Variants in ADGRB3 observed in about 807,000 individuals in gnomAD.
The protein encoded by ADGRB3 is brain-specific angiogenesis inhibitor 3.
ADGRB3 carries 37 observed loss-of-function variants against 193.4 expected under a neutral mutation model. The ratio of observed to expected loss-of-function variants is 0.19; its 90% CI spans 0.15 to 0.25. The LOEUF (loss-of-function observed/expected upper bound fraction) is 0.25. Ranked by LOEUF, ADGRB3 falls within the 10% of genes least tolerant of loss-of-function variation. The probability of loss-of-function intolerance (pLI) is 1.00; values close to 1 mark genes in which losing one functional copy is unlikely to be tolerated. For synonymous variants in ADGRB3, 690 were observed against 644.2 expected, an observed-to-expected ratio of 1.07 and a Z score of -1.08; for missense variants, 1,637 against 1,852.9, an observed-to-expected ratio of 0.88 and a Z score of 2.14.
chr6:68,959,048 A>G (rs572493068), intron 8 of ADGRB3, among the ~76,000 whole-genome samples: 1 of 152,108 alleles, frequency 6.6e-6, no homozygotes, highest in Non-Finnish European at 1.5e-5. Flanking sequence ...TTTTTAATTT[A>G]CAAAAGGGGT....
At chr6:68,952,382 A>G (rs571160120) in intron 6 of ADGRB3, among the ~76,000 whole-genome samples, 2 of 151,752 alleles carry the variant, frequency 1.3e-5, no homozygotes, top group Admixed American at 1.3e-4. Context: ...ATGTGTGTTT[A>G]TATATATATA....
intron 17 of ADGRB3, among the ~76,000 whole-genome samples, chr6:69,190,596 G>A (rs957067314): frequency 6.6e-6 from 1 of 151,976 alleles, no homozygotes; most frequent in African/African-American, 2.4e-5. Flanking sequence ...ATTGAAGAAA[G>A]AAAATTATTT....
intron 30 of ADGRB3, among the ~76,000 whole-genome samples, chr6:69,382,007 G>A (rs993710589): frequency 1.3e-5 from 2 of 151,814 alleles, no homozygotes; most frequent in African/African-American, 4.8e-5. Flanking sequence ...CTTCGTTAGT[G>A]CTCTTAAATG....
At chr6:68,949,196 G>C (rs1767850617) in intron 6 of ADGRB3, among the ~76,000 whole-genome samples, 1 of 152,092 alleles carries the variant, frequency 6.6e-6, no homozygotes, top group Non-Finnish European at 1.5e-5. Context: ...TACTGTCTTA[G>C]TCATAGACTC....
At chr6:69,117,608 C>G (rs1773570798) in intron 17 of ADGRB3, among the ~76,000 whole-genome samples, 1 of 152,056 alleles carries the variant, frequency 6.6e-6, no homozygotes, top group African/African-American at 2.4e-5. Flanking sequence ...GTAATTACCT[C>G]AACAAGTTTG....
intron 20 of ADGRB3, among the ~76,000 whole-genome samples, chr6:69,271,463 A>C (rs969833851): frequency 6.6e-6 from 1 of 152,196 alleles, no homozygotes; most frequent in Non-Finnish European, 1.5e-5. Flanking sequence ...CCTAAGGTCA[A>C]AAAGGAGAAA....
intron 20 of ADGRB3, among the ~76,000 whole-genome samples, chr6:69,283,814 C>T (rs926112912): frequency 6.6e-5 from 10 of 152,094 alleles, no homozygotes; most frequent in Admixed American, 3.3e-4. Context: ...CAAGCAAGTG[C>T]GGCATTAGCA....
At chr6:69,254,515 T>C (rs1415475425) in intron 20 of ADGRB3, among the ~76,000 whole-genome samples, 1 of 152,058 alleles carries the variant, frequency 6.6e-6, no homozygotes, top group Non-Finnish European at 1.5e-5. Flanking sequence ...AAAACATGAG[T>C]ATGTAGCATA....
chr6:68,879,360 G>A (rs563217876), intron 3 of ADGRB3, among the ~76,000 whole-genome samples: 33 of 151,714 alleles, frequency 2.2e-4, no homozygotes, highest in African/African-American at 7.7e-4. Flanking sequence ...GGGACTGCAG[G>A]TGCCCACCAC....
chr6:69,286,615 T>TG (rs1767557695), intron 20 of ADGRB3, among the ~76,000 whole-genome samples: 1 of 152,188 alleles, frequency 6.6e-6, no homozygotes. Context: ...AAGTAGAGAA[T>TG]GCAGCTGTTG....
intron 17 of ADGRB3, among the ~76,000 whole-genome samples, chr6:69,112,545 T>C (rs1161441434): frequency 3.3e-5 from 5 of 152,180 alleles, no homozygotes; most frequent in African/African-American, 1.2e-4. Context: ...AGATCATTAA[T>C]AAAAAGCTTT....
rs1337643143 is a variant in ADGRB3 at position 69,192,780 on chromosome 6, G to T, written c.2481-40510G>T. On this transcript the variant is annotated intron_variant, in intron 17 of 31. Transcript: ENST00000370598. ...TATTCATTAAACATATATTTTTGAG[G>T]GTCTGCTATATTCTGCATTAAAGTA... Among the ~76,000 whole-genome samples, 3 of 151,944 alleles carry T rather than the reference G, an allele frequency of 2.0e-5. No homozygotes were observed. In the South Asian group the frequency reaches 6.2e-4, roughly 32 times the overall value.
intron 3 of ADGRB3, among the ~76,000 whole-genome samples, chr6:68,891,378 C>A (rs1766072660): frequency 6.6e-6 from 1 of 152,018 alleles, no homozygotes; most frequent in Non-Finnish European, 1.5e-5. Context: ...ACTGGGAAAG[C>A]AGTATGTATA....
intron 3 of ADGRB3, among the ~76,000 whole-genome samples, chr6:68,677,521 C>CTTTTTTTTTTTTTTTTTTTTTT (rs1002070733): frequency 1.7e-5 from 2 of 120,332 alleles, no homozygotes; most frequent in Non-Finnish European, 3.4e-5. Flanking sequence ...TTCTTTTTTT[C>CTTTTTTTTTTTTTTTTTTTTTT]TTTTTTTTTT....
In ADGRB3 at chr6:69,332,998, C is replaced by T; in HGVS notation, c.3178C>T (p.His1060Tyr). The change falls in exon 24 of 32, where the codon CAC becomes TAC. Residue 1060 changes from histidine to tyrosine, a missense_variant. By Grantham distance (83) the His-to-Tyr change is moderately conservative (BLOSUM62 2). Coordinates refer to ENST00000370598, the MANE Select transcript of ADGRB3 (RefSeq NM_001704.3). ...RDGILDKKLK[H>Y]RAGQMSEPHS... ...TGGAATCCTAGATAAAAAGCTCAAACACAGAGCCGGGTAAGCTGCAATTGG... is the reference window on the plus strand; with the variant it reads ...TGGAATCCTAGATAAAAAGCTCAAATACAGAGCCGGGTAAGCTGCAATTGG... The T allele has an allele frequency of 6.2e-7, 1 of 1,613,726 alleles. No homozygotes were observed. The highest frequency in any genetic ancestry group is 8.5e-7 in the Non-Finnish European group (1 of 1,179,818).
chr6:68,995,537 T>C (rs1769360234), intron 11 of ADGRB3, among the ~76,000 whole-genome samples: 3 of 152,240 alleles, frequency 2.0e-5, no homozygotes, highest in South Asian at 2.1e-4. Context: ...GCTTAGTCAT[T>C]GACATTAGCT....
intron 17 of ADGRB3, among the ~76,000 whole-genome samples, chr6:69,125,483 A>C (rs1009427827): frequency 2.1e-4 from 32 of 152,160 alleles, no homozygotes; most frequent in Non-Finnish European, 4.6e-4. Context: ...GAGACACCAC[A>C]GAGATCCCTT....
intron 3 of ADGRB3, among the ~76,000 whole-genome samples, chr6:68,895,750 C>T (rs568535591): frequency 6.6e-6 from 1 of 151,646 alleles, no homozygotes; most frequent in Admixed American, 6.6e-5. Context: ...CAATAAATGC[C>T]TAGGAATGGA....
chr6:68,651,026 A>T (rs553324222), intron 3 of ADGRB3, among the ~76,000 whole-genome samples: 18 of 152,302 alleles, frequency 1.2e-4, no homozygotes, highest in African/African-American at 4.3e-4. Context: ...GGAAGACAAA[A>T]ATCTGTTTAC....
Sources: gnomAD v4.1 joint callset for allele counts (sites outside exome capture counted in the v4.1 genomes callset) on GRCh38, gnomAD v4.1.1 for gene constraint, MANE v1.5 for transcripts, NCBI Gene and HGNC (gene_info 2026-07-23, HGNC 2026-07-21) for gene names.